Variants in DMBT1 observed in about 807,000 individuals in gnomAD.
The protein encoded by DMBT1 is scavenger receptor cysteine-rich domain-containing protein DMBT1.
In DMBT1, 198 loss-of-function variants were observed where a neutral mutation model predicts 252.9. That is an observed-to-expected ratio of 0.78 (90% CI 0.70 to 0.88). DMBT1 has a LOEUF of 0.88. Ranked by LOEUF, DMBT1 falls within the 40% of genes least tolerant of loss-of-function variation. DMBT1 has a pLI of 0.00. For missense variants in DMBT1, 2,432 were observed against 2,404.7 expected (o/e 1.01, Z -0.24); for synonymous variants, 990 against 942.7 (o/e 1.05, Z -0.92).
At position 122,574,638 on chromosome 10, in the gene DMBT1, G is replaced by A. The variant is rs576621932; in HGVS notation, c.283+876G>A. 3.8e-4 allele frequency among the ~76,000 whole-genome samples: 58 copies of A among 152,272 alleles called. 1 individual carries two copies. Among genetic ancestry groups the A allele is most frequent in the East Asian group, 1.2e-3 (6 of 5,174 alleles). On this transcript the variant is annotated intron_variant, in intron 6 of 55. Transcript: ENST00000338354. ...TATTCTGACTTAGCCATGTCCCTTC[G>A]CAAGATTCCCACATTTTCTTATTTG...
chr10:122,586,141 C>G lies in DMBT1; in HGVS notation c.1541C>G (p.Ser514Cys). The change falls in exon 16 of 56, where the codon TCC (serine) becomes TGC (cysteine). Residue 514 changes from serine to cysteine, a missense_variant. Transcript: ENST00000338354. ...QGRVEVLYRG[S>C]WGTVCDDSWD... ...CGAGTGGAGGTCCTATACCGAGGCT[C>G]CTGGGGCACCGTGTGTGATGACAGC... 6 of 1,589,120 alleles carry G rather than the reference C, an allele frequency of 3.8e-6. No individual in the cohort carries two copies. Among genetic ancestry groups the G allele is most frequent in the South Asian group, 1.1e-5 (1 of 87,034 alleles).
chr10:122,636,397 G>C (rs1232094739), intron 53 of DMBT1, among the ~76,000 whole-genome samples, 198 bp downstream of exon 53: 1 of 152,218 alleles, frequency 6.6e-6, no homozygotes, highest in African/African-American at 2.4e-5. Flanking sequence ...GGCTAGAACT[G>C]GCTGATGGGT....
chr10:122,632,512 C>G (rs2098173565), intron 50 of DMBT1, among the ~76,000 whole-genome samples: 1 of 152,098 alleles, frequency 6.6e-6, no homozygotes, highest in African/African-American at 2.4e-5. Context: ...CTATTCCACC[C>G]AGGTGCAGTT....
intron 52 of DMBT1, among the ~76,000 whole-genome samples, chr10:122,634,447 TCTCTCTCTCTC>T (rs1487341883): frequency 0.021 from 1,587 of 74,082 alleles, 19 homozygotes; most frequent in African/African-American, 0.071. Context: ...TCTCTCTCTC[TCTCTCTCTCTC>T]TCTCTCTCTC....
chr10:122,638,568 A>G (rs1843911287), intron 54 of DMBT1, among the ~76,000 whole-genome samples: 1 of 152,306 alleles, frequency 6.6e-6, no homozygotes, highest in Non-Finnish European at 1.5e-5. Context: ...CAGCCTCCAG[A>G]GTAGCTGGGA....
At chr10:122,618,879 G>T (rs142874060) in intron 41 of DMBT1, among the ~76,000 whole-genome samples, 52 of 152,374 alleles carry the variant, frequency 3.4e-4, no homozygotes, top group Non-Finnish European at 5.1e-4. Flanking sequence ...ATGCTGCAGA[G>T]CACTGCCTGT....
chr10:122,561,839 T>C (rs2981747), intron 1 of DMBT1, among the ~76,000 whole-genome samples: 100,699 of 149,334 alleles, frequency 0.67, 34,333 homozygotes, highest in South Asian at 0.78. Flanking sequence ...TCCCTCCTCC[T>C]CCTTCTCTGT....
chr10:122,624,787 G>A (rs1005496588), intron 44 of DMBT1, among the ~76,000 whole-genome samples: 2 of 152,180 alleles, frequency 1.3e-5, no homozygotes. Flanking sequence ...GGAGCTGCCC[G>A]CACAATGGCT....
At chr10:122,579,373 C>T (rs1412682531) in intron 9 of DMBT1, among the ~76,000 whole-genome samples, 2 of 152,066 alleles carry the variant, frequency 1.3e-5, no homozygotes. Flanking sequence ...AGGTGCTTCC[C>T]CAAAAGTTGA....
intron 10 of DMBT1, among the ~76,000 whole-genome samples, chr10:122,580,397 G>C (rs1360110892): frequency 6.6e-6 from 1 of 152,220 alleles, no homozygotes; most frequent in East Asian, 1.9e-4. Context: ...GGTTGCGTGG[G>C]GTTGGAGTTC....
chr10:122,624,806 C>T lies in DMBT1; in HGVS notation c.5609-471C>T, dbSNP rs148553913. 3.1e-3 allele frequency among the ~76,000 whole-genome samples: 471 copies of T among 152,336 alleles called. 1 individual carries two copies. The highest frequency in any genetic ancestry group is 0.011 in the African/African-American group (457 of 41,576). Reference sequence around the variant, plus strand: ...CTGCCCGCACAATGGCTGGCTCTCCCACAGCTGTCAGCACAGTGAAGATGC... The same window carrying T: ...CTGCCCGCACAATGGCTGGCTCTCCTACAGCTGTCAGCACAGTGAAGATGC... On this transcript the variant is annotated intron_variant, in intron 44 of 55. Coordinates refer to ENST00000338354, the MANE Select transcript of DMBT1 (RefSeq NM_001377530.1).
chr10:122,643,518 T>C lies in DMBT1; in HGVS notation c.*120T>C. ...GAGCCCTACATTGTGCTGCACCTGG[T>C]CATACGGAGTTGAATCAGACCTGGT... is the stretch of plus-strand genomic sequence containing the variant. On this transcript the variant is annotated 3_prime_UTR_variant, in exon 56 of 56. Coordinates refer to ENST00000338354, the MANE Select transcript of DMBT1 (RefSeq NM_001377530.1). 1 of 1,361,978 alleles carries C rather than the reference T, an allele frequency of 7.3e-7. No individual in the cohort carries two copies. Among genetic ancestry groups the C allele is most frequent in the South Asian group, 1.4e-5 (1 of 69,174 alleles). 84.4% of individuals were successfully genotyped at this position (1,361,978 alleles called of 1,614,324 possible).
intron 27 of DMBT1, 82 bp from the exon 28 acceptor site, chr10:122,600,909 A>T (rs941903883): frequency 3.5e-5 from 23 of 657,288 alleles, no homozygotes; most frequent in Non-Finnish European, 5.8e-5. Context: ...TGCCAGGTGG[A>T]TTCCCCCTCC....
chr10:122,624,351 T>TTGATGAAGAACATCAACTTAAAA (rs2098099050), intron 44 of DMBT1, among the ~76,000 whole-genome samples: 1 of 152,124 alleles, frequency 6.6e-6, no homozygotes. Flanking sequence ...AACCCTTAAG[T>TTGATGAAGAACATCAACTTAAAA]TGATGAAGAA....
chr10:122,634,253 G>C (rs2098191114), intron 52 of DMBT1, among the ~76,000 whole-genome samples: 1 of 152,182 alleles, frequency 6.6e-6, no homozygotes. Flanking sequence ...TGGAGGAATT[G>C]CTGCTCCAGA....
At chr10:122,585,558 C>T (rs931267304) in intron 15 of DMBT1, among the ~76,000 whole-genome samples, 16 of 148,220 alleles carry the variant, frequency 1.1e-4, no homozygotes, top group South Asian at 2.3e-4. Flanking sequence ...ATCCAGGTGC[C>T]AAGGAAAAGC....
intron 1 of DMBT1, among the ~76,000 whole-genome samples, chr10:122,562,355 C>T (rs926484408): frequency 1.3e-5 from 2 of 152,160 alleles, no homozygotes; most frequent in Non-Finnish European, 2.9e-5. Context: ...TGGTTGGTTG[C>T]TTTCATGAAA....
intron 1 of DMBT1, among the ~76,000 whole-genome samples, chr10:122,561,317 G>A (rs776935161): frequency 5.9e-5 from 9 of 152,288 alleles, no homozygotes; most frequent in Non-Finnish European, 8.8e-5. Context: ...GTAATTGAGC[G>A]CAGACAAGAT....
intron 6 of DMBT1, 23 bp from the exon 7 acceptor site, chr10:122,576,376 A>G (rs1218302768): frequency 6.2e-7 from 1 of 1,611,098 alleles, no homozygotes; most frequent in African/African-American, 1.3e-5. Flanking sequence ...AATGTGCAAG[A>G]GAAATTCTGT....
Sources: allele counts gnomAD v4.1 joint callset (sites outside exome capture counted in the v4.1 genomes callset), GRCh38; gene constraint gnomAD v4.1.1; transcripts MANE v1.5; gene names NCBI Gene and HGNC (gene_info 2026-07-23, HGNC 2026-07-21).